ALG5: variants seen among roughly 807,000 people sequenced by gnomAD.
The protein encoded by ALG5 is dolichyl-phosphate beta-glucosyltransferase.
In ALG5, 26 loss-of-function variants were observed where a neutral mutation model predicts 51.8. The observed-to-expected ratio is 0.50, with a 90% CI of 0.37 to 0.70. The LOEUF (loss-of-function observed/expected upper bound fraction) is 0.70, where lower values mean the gene tolerates loss of function less well. Among genes scored for constraint, ALG5 ranks in the 30% least tolerant of loss-of-function variants. The pLI is 0.00. For synonymous variants in ALG5, 141 were observed against 136.1 expected (o/e 1.04, Z -0.25); for missense variants, 311 against 399.3 (o/e 0.78, Z 1.88).
chr13:36,992,957 G>A (rs375089378), intron 4 of ALG5, among the ~76,000 whole-genome samples: 6 of 152,214 alleles, frequency 3.9e-5, no homozygotes, highest in South Asian at 4.1e-4. Flanking sequence ...GATCCTTCCA[G>A]CAGAGCAGCT....
chr13:36,990,604 C>CAT (rs57375947), intron 4 of ALG5, among the ~76,000 whole-genome samples: 138,493 of 152,166 alleles, frequency 0.91, 63,162 homozygotes, highest in East Asian at 1. Flanking sequence ...ATGAATCTCA[C>CAT]GTCTGTTTAG....
chr13:36,985,794 C>CA lies in ALG5; in HGVS notation c.448-55dup, dbSNP rs141790446. ...AATTGGTTAAAACTCAGGTTAAATT[C>CA]AATGACACTTCAGTCTGTTCTACTT... On this transcript the variant is annotated intron_variant, in intron 5 of 9. Coordinates refer to ENST00000239891, the MANE Select transcript of ALG5 (RefSeq NM_013338.5). 4.5e-4 allele frequency: 531 copies of CA among 1,175,980 alleles called. 2 individuals are homozygous for CA. In the African/African-American group the frequency reaches 7.5e-3, roughly 17 times the overall value. The allele number at this position is 1,175,980 out of a possible 1,614,324, so 72.8% of individuals were successfully genotyped here. A position where few individuals can be genotyped will look rare whatever the true frequency, so the allele number is the denominator to read the frequency against.
chr13:36,950,181 C>A (rs185915317), intron 9 of ALG5, 124 bp from the exon 10 acceptor site: 5 of 535,680 alleles, frequency 9.3e-6, no homozygotes, highest in African/African-American at 5.8e-5. Flanking sequence ...AAATCATGGA[C>A]CAAAAAGTTA....
intron 6 of ALG5, among the ~76,000 whole-genome samples, chr13:36,980,566 A>G (rs764297798): frequency 2.0e-5 from 3 of 152,184 alleles, no homozygotes; most frequent in Non-Finnish European, 4.4e-5. Context: ...AAAAACAAGC[A>G]TATTTTTAAA....
At chr13:36,967,860 T>C in intron 7 of ALG5, 1 of 1,106,174 alleles carries the variant, frequency 9.0e-7, no homozygotes, top group Non-Finnish European at 1.2e-6. Context: ...AAATTAAAGG[T>C]AGAAAAACAA....
At chr13:36,994,605 A>G (rs1351327873) in intron 3 of ALG5, among the ~76,000 whole-genome samples, 6 of 152,002 alleles carry the variant, frequency 3.9e-5, no homozygotes, top group Admixed American at 3.9e-4. Flanking sequence ...GAAGAGAATA[A>G]AAGTTAACAG....
chr13:36,978,219 A>C (rs1593674915), intron 6 of ALG5, among the ~76,000 whole-genome samples: 4 of 130,576 alleles, frequency 3.1e-5, no homozygotes, highest in Admixed American at 1.7e-4. Context: ...ACGGAATCTC[A>C]CTCCGTCACC....
intron 8 of ALG5, among the ~76,000 whole-genome samples, chr13:36,958,659 A>G (rs2058851731): frequency 6.6e-6 from 1 of 152,158 alleles, no homozygotes; most frequent in Non-Finnish European, 1.5e-5. Context: ...GAACTGAGAG[A>G]CAGGACTAGC....
At chr13:36,966,799 G>A (rs2058895715) in intron 7 of ALG5, among the ~76,000 whole-genome samples, 1 of 152,100 alleles carries the variant, frequency 6.6e-6, no homozygotes, top group African/African-American at 2.4e-5. Flanking sequence ...CTCATACTAT[G>A]GGATAAAGGT....
chr13:36,965,769 G>A, intron 7 of ALG5, 43 bp from the exon 8 acceptor site: 1 of 1,568,938 alleles, frequency 6.4e-7, no homozygotes, highest in Non-Finnish European at 8.7e-7. Context: ...CCATTCATCT[G>A]TAAAGGAGAC....
In ALG5 at chr13:36,952,590, A is replaced by G. The variant is rs756891057; in HGVS notation, c.783T>C (p.Asp261=). 12 of 1,569,164 alleles carry G rather than the reference A, an allele frequency of 7.6e-6. No homozygotes were observed. The highest frequency in any genetic ancestry group is 5.2e-6 in the Non-Finnish European group (6 of 1,161,506). ...SSLHVERWAF[D]VELLYIAQFF... is the part of the protein sequence containing the mutation. ...ACTGTGCTATGTACAGTAGTTCTAC[A>G]TCAAATGCCCTAAAATAGAAAATAT... The change falls in exon 9 of 10, where the codon GAT becomes GAC. Residue 261 remains aspartate, a synonymous_variant. Transcript: ENST00000239891.
chr13:36,977,760 C>G (rs530416961), intron 6 of ALG5, among the ~76,000 whole-genome samples: 195 of 109,970 alleles, frequency 1.8e-3, no homozygotes, highest in African/African-American at 6.8e-3. Context: ...CTACTGCACT[C>G]TAGCCTGGGC....
intron 6 of ALG5, among the ~76,000 whole-genome samples, chr13:36,982,679 T>C (rs1437370811): frequency 3.3e-5 from 5 of 152,256 alleles, no homozygotes; most frequent in Non-Finnish European, 1.5e-5. Flanking sequence ...GTAAGTTTTC[T>C]GAGAGCAATG....
intron 6 of ALG5, among the ~76,000 whole-genome samples, chr13:36,981,905 G>A (rs1431404683): frequency 2.0e-5 from 3 of 152,252 alleles, no homozygotes; most frequent in Admixed American, 1.3e-4. Context: ...TGGCTAACAC[G>A]GTGAAACCCT....
At chr13:36,965,754 C>T in intron 7 of ALG5, 28 bp from the exon 8 acceptor site, 1 of 1,597,636 alleles carries the variant, frequency 6.3e-7, no homozygotes. Context: ...ATATAAATGA[C>T]TTTTCCATTC....
chr13:36,952,685 T>G (rs1480874894), intron 8 of ALG5, 86 bp from the exon 9 acceptor site: 1 of 726,866 alleles, frequency 1.4e-6, no homozygotes. Context: ...TAAAGAAGCT[T>G]ACATGGCAGA....
At position 36,957,675 on chromosome 13, in the gene ALG5, G is replaced by A. The variant is rs529518327; in HGVS notation, c.774-5076C>T. ...GAATCCGAAACTCTCCCCAAAAAGC[G>A]GGACTTAGCCCATATGAAATGCTGT... is the stretch of plus-strand genomic sequence containing the variant. On this transcript the variant is annotated intron_variant, in intron 8 of 9. Transcript: ENST00000239891. Among the ~76,000 whole-genome samples the A allele has an allele frequency of 3.3e-4, 50 of 152,166 alleles. 1 individual carries two copies. The South Asian group carries it at 4.6e-3, about 14-fold the overall frequency.
At chr13:36,987,507 C>T (rs2059007284) in intron 5 of ALG5, among the ~76,000 whole-genome samples, 1 of 152,162 alleles carries the variant, frequency 6.6e-6, no homozygotes, top group Admixed American at 6.6e-5. Flanking sequence ...TGTGGCACCA[C>T]CGTGCCCGCT....
At chr13:36,990,052 A>G (rs903155777) in intron 4 of ALG5, among the ~76,000 whole-genome samples, 7 of 151,988 alleles carry the variant, frequency 4.6e-5, no homozygotes, top group Non-Finnish European at 8.8e-5. Flanking sequence ...TTTTCACTCA[A>G]ATTCCTCTCT....
Sources: gnomAD v4.1 joint callset for allele counts (sites outside exome capture counted in the v4.1 genomes callset) on GRCh38, gnomAD v4.1.1 for gene constraint, MANE v1.5 for transcripts, NCBI Gene and HGNC (gene_info 2026-07-23, HGNC 2026-07-21) for gene names.